RARB: variants seen among roughly 807,000 people sequenced by gnomAD.
RARB encodes the protein HBV-activated protein.
RARB carries 17 observed loss-of-function variants against 51.9 expected under a neutral mutation model. The ratio of observed to expected loss-of-function variants is 0.33; its 90% confidence interval spans 0.22 to 0.49. The LOEUF (loss-of-function observed/expected upper bound fraction) is 0.49. Ranked by LOEUF, RARB falls within the 20% of genes least tolerant of loss-of-function variation. RARB has a pLI of 0.99. For synonymous variants in RARB, 215 were observed against 195.4 expected (o/e 1.10, Z -0.84); for missense variants, 369 against 550.8 (o/e 0.67, Z 3.30).
chr3:24,981,469 A>T (rs989410072), intron 2 of RARB, among the ~76,000 whole-genome samples: 2 of 152,084 alleles, frequency 1.3e-5, no homozygotes, highest in African/African-American at 2.4e-5. Context: ...CTGTGAGCAT[A>T]TAACTGCCTA....
intron 2 of RARB, among the ~76,000 whole-genome samples, chr3:25,500,075 G>A (rs985303989): frequency 3.9e-5 from 6 of 152,186 alleles, no homozygotes; most frequent in Non-Finnish European, 7.3e-5. Context: ...ATTACTACCC[G>A]GTAACGCTTT....
intron 3 of RARB, among the ~76,000 whole-genome samples, chr3:25,112,837 A>G (rs1699625482): frequency 6.6e-6 from 1 of 152,170 alleles, no homozygotes; most frequent in Admixed American, 6.5e-5. Flanking sequence ...TTGATATTCG[A>G]TATTCTATTT....
intron 5 of RARB, among the ~76,000 whole-genome samples, chr3:25,386,229 C>G (rs1332756763): frequency 1.3e-5 from 2 of 151,568 alleles, no homozygotes; most frequent in Non-Finnish European, 2.9e-5. Flanking sequence ...AAAGCTGAAA[C>G]GTAAAGGTTG....
intron 2 of RARB, among the ~76,000 whole-genome samples, chr3:24,990,447 C>G (rs1696886373): frequency 2.0e-5 from 2 of 99,464 alleles, no homozygotes; most frequent in South Asian, 8.0e-4. Context: ...AAAATCCTGC[C>G]TAATCTAACA....
At chr3:25,091,458 T>C (rs1699197506) in intron 3 of RARB, among the ~76,000 whole-genome samples, 1 of 152,180 alleles carries the variant, frequency 6.6e-6, no homozygotes, top group Admixed American at 6.5e-5. Flanking sequence ...AAATAGCGGC[T>C]TCTGAACTAA....
chr3:25,244,178 G>T (rs768543204), intron 5 of RARB, among the ~76,000 whole-genome samples: 2 of 151,450 alleles, frequency 1.3e-5, no homozygotes, highest in Non-Finnish European at 2.9e-5. Context: ...ATTTTTTATT[G>T]TGTCTATTCG....
At chr3:25,213,813 G>A (rs1021928801) in intron 5 of RARB, among the ~76,000 whole-genome samples, 1 of 152,114 alleles carries the variant, frequency 6.6e-6, no homozygotes, top group African/African-American at 2.4e-5. Flanking sequence ...GCAAGGGAGG[G>A]CACCTTCCAT....
At chr3:25,202,341 CTT>C (rs1701415470) in intron 5 of RARB, among the ~76,000 whole-genome samples, 1 of 151,710 alleles carries the variant, frequency 6.6e-6, no homozygotes, top group Non-Finnish European at 1.5e-5. Context: ...CTTTATTAGT[CTT>C]CTTAGTGGTC....
chr3:25,214,250 A>C (rs867348783), intron 5 of RARB, among the ~76,000 whole-genome samples: 39 of 152,304 alleles, frequency 2.6e-4, no homozygotes, highest in African/African-American at 7.9e-4. Context: ...TTGACTTCAA[A>C]GGGAGAGGCT....
At position 24,915,626 on chromosome 3, in the gene RARB, G is replaced by T. The variant is rs112131125; in HGVS notation, c.-380+56874G>T. ...TGAAGGTTTTTAAGCCTCTCAGAAA[G>T]GGAAATAACATTTTCAGACTTCATG... On this transcript the variant is annotated intron_variant, in intron 2 of 11. Transcript: ENST00000383772. Among the ~76,000 whole-genome samples, 998 of 152,266 alleles carry T rather than the reference G, an allele frequency of 6.6e-3. 15 individuals carry two copies. Among genetic ancestry groups the T allele is most frequent in the African/African-American group, 0.023 (946 of 41,550 alleles).
At chr3:24,960,611 G>A (rs1696118746) in intron 2 of RARB, among the ~76,000 whole-genome samples, 1 of 152,184 alleles carries the variant, frequency 6.6e-6, no homozygotes, top group African/African-American at 2.4e-5. Flanking sequence ...ATGCTAAATT[G>A]AAATATGTGA....
intron 3 of RARB, among the ~76,000 whole-genome samples, chr3:25,082,483 C>T (rs1699027281): frequency 6.6e-6 from 1 of 151,938 alleles, no homozygotes. Context: ...ACCTTCAACT[C>T]ATGTTAGCCT....
chr3:24,909,638 T>G (rs1209067306), intron 2 of RARB, among the ~76,000 whole-genome samples: 2 of 151,994 alleles, frequency 1.3e-5, no homozygotes, highest in Admixed American at 1.3e-4. Flanking sequence ...AAGCTATCTC[T>G]ACCTTTCTTT....
At chr3:24,926,269 C>T (rs755751691) in intron 2 of RARB, among the ~76,000 whole-genome samples, 10 of 152,026 alleles carry the variant, frequency 6.6e-5, no homozygotes, top group African/African-American at 1.2e-4. Flanking sequence ...AGATAAATTG[C>T]GGTGGAGAGT....
intron 3 of RARB, among the ~76,000 whole-genome samples, chr3:25,122,695 A>T (rs937397794): frequency 1.6e-4 from 25 of 152,284 alleles, no homozygotes; most frequent in Non-Finnish European, 3.1e-4. Flanking sequence ...ACGGCAAGTA[A>T]GGCTGGAAAA....
At chr3:25,216,045 T>G (rs1373886050) in intron 5 of RARB, among the ~76,000 whole-genome samples, 1 of 152,198 alleles carries the variant, frequency 6.6e-6, no homozygotes, top group African/African-American at 2.4e-5. Context: ...CTTAAAAATA[T>G]GTGCTTGAAG....
intron 3 of RARB, among the ~76,000 whole-genome samples, chr3:25,090,803 T>C (rs769586277): frequency 6.6e-6 from 1 of 152,152 alleles, no homozygotes; most frequent in African/African-American, 2.4e-5. Flanking sequence ...TTAGAATGAA[T>C]AATTGCTGTA....
At chr3:24,869,557 A>C (rs1702908864) in intron 2 of RARB, among the ~76,000 whole-genome samples, 1 of 152,112 alleles carries the variant, frequency 6.6e-6, no homozygotes, top group African/African-American at 2.4e-5. Flanking sequence ...CATATGAATT[A>C]TTCCCTCCCC....
chr3:25,267,889 G>A (rs991540061), intron 5 of RARB, among the ~76,000 whole-genome samples: 21 of 152,142 alleles, frequency 1.4e-4, no homozygotes, highest in Admixed American at 1.2e-3. Context: ...TCAGGAATGA[G>A]CATAGAAATC....
Sources: allele counts gnomAD v4.1 joint callset (sites outside exome capture counted in the v4.1 genomes callset), GRCh38; gene constraint gnomAD v4.1.1; transcripts MANE v1.5; gene names NCBI Gene and HGNC (gene_info 2026-07-23, HGNC 2026-07-21).